The following ASH1L variants were observed in gnomAD, a reference collection of about 807,000 sequenced individuals.
ASH1L encodes histone-lysine N-methyltransferase ASH1L.
A neutral mutation model predicts 269.0 loss-of-function variants in ASH1L; 23 were observed. The observed-to-expected ratio is 0.09, with a 90% CI of 0.06 to 0.12. The LOEUF (loss-of-function observed/expected upper bound fraction) is 0.12, where lower values mean the gene tolerates loss of function less well. ASH1L is among the 10% of genes least tolerant of loss of function. The probability of loss-of-function intolerance (pLI) is 1.00; values close to 1 mark genes in which losing one functional copy is unlikely to be tolerated. For synonymous variants in ASH1L, 1,187 were observed against 1,253.5 expected (o/e 0.95, Z 1.12); for missense variants, 2,912 against 3,567.8 (o/e 0.82, Z 4.68).
At chr1:155,541,928 T>C (rs559428892) in intron 1 of ASH1L, among the ~76,000 whole-genome samples, 39 of 152,214 alleles carry the variant, frequency 2.6e-4, no homozygotes, top group Admixed American at 2.0e-3. Context: ...GAAATAGACA[T>C]AAATTTCCAA....
At chr1:155,545,456 T>A (rs905508134) in intron 1 of ASH1L, among the ~76,000 whole-genome samples, 1 of 151,858 alleles carries the variant, frequency 6.6e-6, no homozygotes, top group African/African-American at 2.4e-5. Flanking sequence ...ACCAAAAATA[T>A]TTTTTATACA....
intron 1 of ASH1L, among the ~76,000 whole-genome samples, chr1:155,535,784 G>C (rs2148878278): frequency 6.6e-6 from 1 of 152,178 alleles, no homozygotes; most frequent in South Asian, 2.1e-4. Flanking sequence ...ACCCGAGGTT[G>C]GGTTGGGAGT....
chr1:155,357,449 T>C, intron 14 of ASH1L, 39 bp from the exon 15 acceptor site: 1 of 1,596,248 alleles, frequency 6.3e-7, no homozygotes, highest in Non-Finnish European at 8.6e-7. Context: ...TTTAAAAAAA[T>C]ATCAGTCAGA....
intron 2 of ASH1L, among the ~76,000 whole-genome samples, chr1:155,503,351 C>A (rs961704031): frequency 1.3e-5 from 2 of 152,114 alleles, no homozygotes; most frequent in Non-Finnish European, 2.9e-5. Context: ...CCTTTGTGTA[C>A]CTCCTAAACT....
At chr1:155,491,365 T>C (rs1166894693) in intron 2 of ASH1L, among the ~76,000 whole-genome samples, 2 of 151,712 alleles carry the variant, frequency 1.3e-5, no homozygotes, top group Non-Finnish European at 2.9e-5. Context: ...CCTCCCAAAG[T>C]GCTAGGACTA....
At chr1:155,467,266 A>G (rs1435335627) in intron 3 of ASH1L, among the ~76,000 whole-genome samples, 2 of 152,228 alleles carry the variant, frequency 1.3e-5, no homozygotes, top group South Asian at 4.1e-4. Context: ...TCCAAGTCAG[A>G]AACTCTTGCC....
At chr1:155,386,448 C>G (rs59992966) in intron 7 of ASH1L, among the ~76,000 whole-genome samples, 7,161 of 152,048 alleles carry the variant, frequency 0.047, 583 homozygotes, top group African/African-American at 0.17. Flanking sequence ...AGTGGAGTGG[C>G]ATGTTCTCAG....
chr1:155,512,069 C>T (rs1301006944), intron 2 of ASH1L, among the ~76,000 whole-genome samples: 2 of 152,082 alleles, frequency 1.3e-5, no homozygotes, highest in African/African-American at 4.8e-5. Flanking sequence ...GCCTGGGTCT[C>T]CCAAAGTGCT....
chr1:155,397,766 T>C (rs1337968350), intron 6 of ASH1L, among the ~76,000 whole-genome samples: 1 of 152,130 alleles, frequency 6.6e-6, no homozygotes, highest in Non-Finnish European at 1.5e-5. Flanking sequence ...TTTATCACAT[T>C]GGCCAGGCTG....
chr1:155,345,174 CTTTTTTTTTTTTT>C (rs397981613), intron 21 of ASH1L, among the ~76,000 whole-genome samples: 47 of 64,038 alleles, frequency 7.3e-4, no homozygotes, highest in Admixed American at 2.7e-3. Flanking sequence ...CCAGGATGGT[CTTTTTTTTTTTTT>C]TTTTTTTTTT....
chr1:155,484,268 C>T (rs1238576328), intron 2 of ASH1L, among the ~76,000 whole-genome samples: 2 of 152,138 alleles, frequency 1.3e-5, no homozygotes, highest in South Asian at 2.1e-4. Context: ...GTGGGCAGAT[C>T]GCCTGAGGTC....
intron 3 of ASH1L, among the ~76,000 whole-genome samples, chr1:155,467,067 A>C (rs987631217): frequency 1.1e-4 from 16 of 152,344 alleles, no homozygotes; most frequent in African/African-American, 3.8e-4. Flanking sequence ...CATTTATAAT[A>C]ATGTTCCATT....
At chr1:155,533,349 C>CAT (rs1223350898) in intron 1 of ASH1L, among the ~76,000 whole-genome samples, 2 of 152,002 alleles carry the variant, frequency 1.3e-5, no homozygotes, top group Non-Finnish European at 2.9e-5. Context: ...AAAAGACAGG[C>CAT]TAATGGCCAA....
chr1:155,517,738 T>C (rs888537518), intron 2 of ASH1L, among the ~76,000 whole-genome samples: 1 of 148,978 alleles, frequency 6.7e-6, no homozygotes, highest in Non-Finnish European at 1.5e-5. Flanking sequence ...TATGGACCAA[T>C]GGAATGGAAA....
At chr1:155,454,701 G>C (rs1663753508) in intron 4 of ASH1L, among the ~76,000 whole-genome samples, 1 of 152,196 alleles carries the variant, frequency 6.6e-6, no homozygotes, top group South Asian at 2.1e-4. Context: ...CTGGGAGGTG[G>C]AGGTTGCAGT....
chr1:155,513,654 C>G (rs1044770749), intron 2 of ASH1L, among the ~76,000 whole-genome samples: 4 of 151,360 alleles, frequency 2.6e-5, no homozygotes, highest in Admixed American at 6.6e-5. Flanking sequence ...AATTGCAATA[C>G]GACCAAAAAT....
chr1:155,401,906 T>C (rs1255981976), intron 6 of ASH1L, among the ~76,000 whole-genome samples: 1 of 151,928 alleles, frequency 6.6e-6, no homozygotes, highest in African/African-American at 2.4e-5. Flanking sequence ...CTGGCCAACA[T>C]GGTGAAACCC....
intron 1 of ASH1L, among the ~76,000 whole-genome samples, chr1:155,556,008 T>C (rs986201233): frequency 1.3e-5 from 2 of 152,234 alleles, no homozygotes; most frequent in Non-Finnish European, 2.9e-5. Context: ...TGTTGATAAC[T>C]GCTGAAGCTG....
intron 3 of ASH1L, among the ~76,000 whole-genome samples, chr1:155,466,939 T>C (rs1030830346): frequency 6.6e-6 from 1 of 152,098 alleles, no homozygotes; most frequent in African/African-American, 2.4e-5. Context: ...TATATGCTTG[T>C]ACAGTGAATA....
Sources: allele counts gnomAD v4.1 joint callset (sites outside exome capture counted in the v4.1 genomes callset), GRCh38; gene constraint gnomAD v4.1.1; transcripts MANE v1.5; gene names NCBI Gene and HGNC (gene_info 2026-07-23, HGNC 2026-07-21).